PLXNC1: variants seen among roughly 807,000 people sequenced by gnomAD.
PLXNC1 encodes plexin C1.
PLXNC1 carries 75 observed loss-of-function variants against 178.2 expected under a neutral mutation model. The ratio of observed to expected loss-of-function variants is 0.42; its 90% CI spans 0.35 to 0.51. PLXNC1 has a LOEUF of 0.51. PLXNC1 is among the 20% of genes least tolerant of loss of function. The pLI is 0.02. For synonymous variants in PLXNC1, 790 were observed against 779.9 expected (o/e 1.01, Z -0.22); for missense variants, 1,503 against 1,984.4 (o/e 0.76, Z 4.61).
chr12:94,149,259 C>CGCGCGG lies in PLXNC1; in HGVS notation c.289_294dup (p.Ala97_Arg98dup). ...CAGAGCCGGTCTCGCTGGCGCCCCC[C>CGCGCGG]GCGCGGCCCCGGCCCGGGAGCAGCT... is the stretch of plus-strand genomic sequence containing the variant. On this transcript the variant is annotated inframe_insertion, in exon 1 of 31. Transcript: ENST00000258526. The CGCGCGG allele has an allele frequency of 6.5e-7, 1 of 1,540,072 alleles. No individual in the cohort carries two copies. Among genetic ancestry groups the CGCGCGG allele is most frequent in the African/African-American group, 1.4e-5 (1 of 70,264 alleles).
At chr12:94,172,161 G>A (rs1055895311) in intron 2 of PLXNC1, among the ~76,000 whole-genome samples, 6 of 152,202 alleles carry the variant, frequency 3.9e-5, no homozygotes, top group African/African-American at 7.2e-5. Flanking sequence ...AAGCCACAGC[G>A]TGGGGGAACT....
rs1000660482 is a variant in PLXNC1, at chr12:94,149,154, C to T, written c.183C>T (p.Ser61=). 5 of 1,590,188 alleles carry T rather than the reference C, an allele frequency of 3.1e-6. No individual in the cohort carries two copies. The African/African-American group carries it at 5.5e-5, about 18-fold the overall frequency. ...AGGAGGACGGCGTGTTTGTGGCGAG[C>T]GGCAGCTGCCTGGACCAGCTGGACT... ...ASQEDGVFVA[S]GSCLDQLDYS... The change falls in exon 1 of 31, where the codon AGC becomes AGT. Residue 61 remains serine (S), a synonymous_variant. Transcript: ENST00000258526.
chr12:94,210,343 T>C (rs1383320694), intron 5 of PLXNC1, among the ~76,000 whole-genome samples: 1 of 152,206 alleles, frequency 6.6e-6, no homozygotes, highest in Non-Finnish European at 1.5e-5. Context: ...CATTTTCAAA[T>C]GCACACGCCA....
At chr12:94,233,603 C>G (rs1964166700) in intron 9 of PLXNC1, among the ~76,000 whole-genome samples, 1 of 152,202 alleles carries the variant, frequency 6.6e-6, no homozygotes, top group Non-Finnish European at 1.5e-5. Flanking sequence ...TCCAGAGGCA[C>G]TGCTCACTAT....
At chr12:94,265,392 C>T (rs1965179923) in intron 21 of PLXNC1, among the ~76,000 whole-genome samples, 167 bp downstream of exon 21, 1 of 152,118 alleles carries the variant, frequency 6.6e-6, no homozygotes, top group Non-Finnish European at 1.5e-5. Context: ...CACGTGTTCA[C>T]ATAATAGATT....
chr12:94,264,837 C>T (rs904205871), intron 20 of PLXNC1, among the ~76,000 whole-genome samples: 2 of 152,220 alleles, frequency 1.3e-5, no homozygotes, highest in African/African-American at 4.8e-5. Flanking sequence ...GGGTACTGCA[C>T]GTCGCTGTGA....
At chr12:94,215,042 GC>G (rs1389417651) in intron 5 of PLXNC1, among the ~76,000 whole-genome samples, 1 of 152,024 alleles carries the variant, frequency 6.6e-6, no homozygotes, top group Non-Finnish European at 1.5e-5. Flanking sequence ...GATTACAGGT[GC>G]CCACCACCAA....
chr12:94,194,603 A>T (rs1317061000), intron 4 of PLXNC1, among the ~76,000 whole-genome samples: 1 of 152,038 alleles, frequency 6.6e-6, no homozygotes, highest in Admixed American at 6.6e-5. Flanking sequence ...AAAATACAAA[A>T]ATTAGCTGGG....
At chr12:94,216,923 G>A (rs918032242) in intron 5 of PLXNC1, among the ~76,000 whole-genome samples, 1 of 152,106 alleles carries the variant, frequency 6.6e-6, no homozygotes, top group Non-Finnish European at 1.5e-5. Flanking sequence ...AGCCTGGTAA[G>A]GAGTCCTATA....
intron 27 of PLXNC1, among the ~76,000 whole-genome samples, chr12:94,300,143 G>GAA (rs1968323707): frequency 6.6e-6 from 1 of 152,206 alleles, no homozygotes; most frequent in Non-Finnish European, 1.5e-5. Flanking sequence ...CAAAACAGAT[G>GAA]AAAGTCCAGG....
chr12:94,213,806 A>G (rs1239907502), intron 5 of PLXNC1, among the ~76,000 whole-genome samples: 2 of 151,252 alleles, frequency 1.3e-5, no homozygotes, highest in Non-Finnish European at 2.9e-5. Flanking sequence ...TAAGTCTTTA[A>G]TCCATCTTGA....
At chr12:94,151,554 G>A (rs553564217) in intron 1 of PLXNC1, among the ~76,000 whole-genome samples, 2 of 152,194 alleles carry the variant, frequency 1.3e-5, no homozygotes, top group South Asian at 2.1e-4. Context: ...ATAATCTAAC[G>A]GTTTAAGTTT....
chr12:94,220,631 C>T (rs902272663), intron 6 of PLXNC1, among the ~76,000 whole-genome samples: 1 of 152,028 alleles, frequency 6.6e-6, no homozygotes, highest in African/African-American at 2.4e-5. Flanking sequence ...CTCCCCCTTG[C>T]CCCTAAAAAA....
Position 94,149,945 on chromosome 12 carries a change from C to T in PLXNC1, c.974C>T (p.Thr325Ile), listed in dbSNP as rs1443369251. ...GGCCAGGAGCGGCGCTCCCCCACCA[C>T]CACGGCGCTCTGCCTCTTCAGAATG... ...GEGQERRSPTTTALCLFRMSE... is the reference protein window; with the variant it reads ...GEGQERRSPTITALCLFRMSE... Residue 325 changes from threonine to isoleucine, a missense_variant, in exon 1 of 31, where the codon ACC becomes ATC. Coordinates refer to ENST00000258526, the MANE Select transcript of PLXNC1 (RefSeq NM_005761.3). 2 of 1,586,688 alleles carry T rather than the reference C, an allele frequency of 1.3e-6. No homozygotes were observed. Among genetic ancestry groups the T allele is most frequent in the East Asian group, 2.3e-5 (1 of 43,558 alleles).
rs1968941327 is a variant in PLXNC1 at position 94,305,775 on chromosome 12, G to A, written c.*490G>A. ...ATTTGCAGCATTGAAACTTTCCCCA[G>A]TAGTTCTTGGAAAAGCTGACCGCAG... On this transcript the variant is annotated 3_prime_UTR_variant, in exon 31 of 31. Coordinates refer to ENST00000258526, the MANE Select transcript of PLXNC1 (RefSeq NM_005761.3). The A allele has an allele frequency of 6.5e-6, 1 of 152,962 alleles. No individual in the cohort carries two copies. The highest frequency in any genetic ancestry group is 1.5e-5 in the Non-Finnish European group (1 of 68,616). 9.5% of individuals were successfully genotyped at this position (152,962 alleles called of 1,614,324 possible).
rs528484823 is a variant in PLXNC1 at position 94,153,726 on chromosome 12, T to C, written c.1062+3693T>C. ...CTCTAGATCATTCTAGTTTGTTCTC[T>C]AGTTCATTCTACCCTTTGTAGGGGG... On this transcript the variant is annotated intron_variant, in intron 1 of 30. Coordinates refer to ENST00000258526, the MANE Select transcript of PLXNC1 (RefSeq NM_005761.3). Among the ~76,000 whole-genome samples, 6 of 152,344 alleles carry C rather than the reference T, an allele frequency of 3.9e-5. No homozygotes were observed. In the East Asian group the frequency reaches 1.2e-3, roughly 29 times the overall value.
chr12:94,201,199 AC>A (rs1169386255), intron 4 of PLXNC1, among the ~76,000 whole-genome samples: 1 of 152,172 alleles, frequency 6.6e-6, no homozygotes, highest in African/African-American at 2.4e-5. Flanking sequence ...ACTCCAAAGA[AC>A]CCTTTAATAT....
intron 20 of PLXNC1, among the ~76,000 whole-genome samples, chr12:94,263,413 T>C (rs1296547277): frequency 6.6e-6 from 1 of 151,998 alleles, no homozygotes; most frequent in Non-Finnish European, 1.5e-5. Flanking sequence ...GTCTAGCTAC[T>C]CTCCAGAAAG....
At position 94,193,267 on chromosome 12, in the gene PLXNC1, G is replaced by A. The variant is rs190807632; in HGVS notation, c.1439+6794G>A. On this transcript the variant is annotated intron_variant, in intron 4 of 30. Coordinates refer to ENST00000258526, the MANE Select transcript of PLXNC1 (RefSeq NM_005761.3). ...AGTGTTTTAGAACGAGAACTCTGGG[G>A]TGCAAGGTGGACCGGAGGGGACTGA... Among the ~76,000 whole-genome samples, 18 of 152,318 alleles carry A rather than the reference G, an allele frequency of 1.2e-4. 1 individual carries two copies. In the East Asian group the frequency reaches 3.5e-3, roughly 29 times the overall value.
Sources: gnomAD v4.1 joint callset for allele counts (sites outside exome capture counted in the v4.1 genomes callset) on GRCh38, gnomAD v4.1.1 for gene constraint, MANE v1.5 for transcripts, NCBI Gene and HGNC (gene_info 2026-07-23, HGNC 2026-07-21) for gene names.